Variants in LDLRAD3 observed in about 807,000 individuals in gnomAD.
LDLRAD3 encodes the protein low density lipoprotein receptor class A domain containing 3.
A neutral mutation model predicts 29.4 loss-of-function variants in LDLRAD3; 20 were observed. The ratio of observed to expected loss-of-function variants is 0.68; its 90% CI spans 0.48 to 0.99. The LOEUF is 0.99. Among genes scored for constraint, LDLRAD3 ranks in the 50% least tolerant of loss-of-function variants. The pLI, the probability that LDLRAD3 is intolerant of heterozygous loss-of-function variation, is 0.00. For missense variants in LDLRAD3, 420 were observed against 454.3 expected (o/e 0.92, Z 0.69); for synonymous variants, 157 against 192.7 (o/e 0.81, Z 1.53).
intron 1 of LDLRAD3, among the ~76,000 whole-genome samples, chr11:35,946,561 A>G (rs575607017): frequency 1.8e-4 from 28 of 152,290 alleles, no homozygotes; most frequent in African/African-American, 6.5e-4. Flanking sequence ...AGCCCAAGTC[A>G]TGTCATCTGA....
chr11:35,967,289 TCTC>T, intron 1 of LDLRAD3: 1 of 195,260 alleles, frequency 5.1e-6, no homozygotes, highest in Non-Finnish European at 1.1e-5. Flanking sequence ...AGAAGGTCTC[TCTC>T]CTGGATCAGG....
At chr11:36,205,943 G>T (rs761459803) in intron 4 of LDLRAD3, among the ~76,000 whole-genome samples, 1 of 152,184 alleles carries the variant, frequency 6.6e-6, no homozygotes, top group Admixed American at 6.5e-5. Flanking sequence ...CAGATTTTCC[G>T]TTGGTGTTAA....
chr11:36,106,791 C>T (rs1470166865), intron 4 of LDLRAD3, among the ~76,000 whole-genome samples: 1 of 152,254 alleles, frequency 6.6e-6, no homozygotes, highest in Non-Finnish European at 1.5e-5. Context: ...TGGATTTTTA[C>T]TTTCAGTTCT....
intron 1 of LDLRAD3, among the ~76,000 whole-genome samples, chr11:35,956,939 G>A (rs559871943): frequency 2.2e-4 from 34 of 152,248 alleles, no homozygotes; most frequent in East Asian, 1.4e-3. Flanking sequence ...GTTTCACCAC[G>A]TTAGCCAGGA....
At chr11:35,982,100 TA>T (rs1430041397) in intron 1 of LDLRAD3, among the ~76,000 whole-genome samples, 1 of 152,166 alleles carries the variant, frequency 6.6e-6, no homozygotes, top group Non-Finnish European at 1.5e-5. Context: ...TGTAACAAAG[TA>T]GCAAGACCGA....
intron 1 of LDLRAD3, among the ~76,000 whole-genome samples, chr11:35,964,988 C>CAAAA (rs368598047): frequency 1.3e-4 from 18 of 137,542 alleles, no homozygotes; most frequent in African/African-American, 4.8e-4. Context: ...AGACTGTCTC[C>CAAAA]AAAAAAAAAA....
At chr11:36,201,679 A>G (rs1855128627) in intron 4 of LDLRAD3, among the ~76,000 whole-genome samples, 2 of 152,218 alleles carry the variant, frequency 1.3e-5, no homozygotes, top group African/African-American at 4.8e-5. Flanking sequence ...ACAGCAAGCA[A>G]TTGTATTTAA....
intron 4 of LDLRAD3, among the ~76,000 whole-genome samples, chr11:36,165,055 A>G (rs970503303): frequency 6.6e-6 from 1 of 152,228 alleles, no homozygotes; most frequent in South Asian, 2.1e-4. Flanking sequence ...AATAATCACT[A>G]TTAGCAGTTG....
chr11:35,950,944 G>A (rs1477880706), intron 1 of LDLRAD3, among the ~76,000 whole-genome samples: 1 of 152,044 alleles, frequency 6.6e-6, no homozygotes, highest in African/African-American at 2.4e-5. Flanking sequence ...TTAGCCGGGA[G>A]TGGTGGCACG....
intron 4 of LDLRAD3, among the ~76,000 whole-genome samples, chr11:36,202,287 C>T (rs1855138491): frequency 6.6e-6 from 1 of 152,180 alleles, no homozygotes; most frequent in Admixed American, 6.5e-5. Context: ...ATCCACCCGC[C>T]TCAGCCTCCC....
intron 4 of LDLRAD3, among the ~76,000 whole-genome samples, chr11:36,140,008 A>T (rs964429348): frequency 1.3e-5 from 2 of 152,196 alleles, no homozygotes; most frequent in Non-Finnish European, 2.9e-5. Flanking sequence ...AAAATGACAT[A>T]TCTCTTATTG....
chr11:36,187,289 A>T (rs962371616), intron 4 of LDLRAD3, among the ~76,000 whole-genome samples: 4 of 152,204 alleles, frequency 2.6e-5, no homozygotes, highest in Non-Finnish European at 5.9e-5. Flanking sequence ...AGTTCCCCAG[A>T]AGTGACCAGC....
Position 36,064,310 on chromosome 11 carries a change from A to T in LDLRAD3, c.194-17343A>T, listed in dbSNP as rs184258073. On this transcript the variant is annotated intron_variant, in intron 2 of 5. Coordinates refer to ENST00000315571, the MANE Select transcript of LDLRAD3 (RefSeq NM_174902.4). ...TCGTTAGTTCTAATAGTTTTTTTTA[A>T]AAAATTTTTGAGACAGGATCTCACT... Among the ~76,000 whole-genome samples, 172 of 151,834 alleles carry T rather than the reference A, an allele frequency of 1.1e-3. 1 individual carries two copies. Among genetic ancestry groups the T allele is most frequent in the African/African-American group, 3.9e-3 (162 of 41,370 alleles).
At chr11:36,132,722 G>A (rs1358467834) in intron 4 of LDLRAD3, among the ~76,000 whole-genome samples, 1 of 152,210 alleles carries the variant, frequency 6.6e-6, no homozygotes, top group Non-Finnish European at 1.5e-5. Flanking sequence ...CCCGATAGGA[G>A]AGGACCTTAC....
chr11:36,203,769 A>C (rs965312162), intron 4 of LDLRAD3, among the ~76,000 whole-genome samples: 2 of 152,150 alleles, frequency 1.3e-5, no homozygotes, highest in African/African-American at 4.8e-5. Flanking sequence ...TGAGCTTCTC[A>C]TTTCCAAATG....
At chr11:36,085,607 TA>T (rs776088276) in intron 3 of LDLRAD3, among the ~76,000 whole-genome samples, 28 of 152,098 alleles carry the variant, frequency 1.8e-4, no homozygotes, top group Non-Finnish European at 3.7e-4. Context: ...TGTGAGTTTT[TA>T]TTTTTTTATA....
intron 4 of LDLRAD3, among the ~76,000 whole-genome samples, chr11:36,198,969 T>C (rs554665094): frequency 4.9e-4 from 74 of 152,302 alleles, no homozygotes; most frequent in African/African-American, 1.5e-3. Context: ...GGCGCGATCT[T>C]GGCTCACTGC....
chr11:35,985,775 C>T (rs1359284116), intron 1 of LDLRAD3, among the ~76,000 whole-genome samples: 1 of 152,028 alleles, frequency 6.6e-6, no homozygotes, highest in African/African-American at 2.4e-5. Context: ...TGTGCCTTTG[C>T]TCCTCCTTCA....
intron 1 of LDLRAD3, among the ~76,000 whole-genome samples, chr11:36,022,619 G>A (rs534339534): frequency 1.3e-5 from 2 of 152,260 alleles, no homozygotes; most frequent in South Asian, 4.1e-4. Context: ...CACAGGGTGG[G>A]TAAGTAATTC....
Sources: gnomAD v4.1 joint callset for allele counts (sites outside exome capture counted in the v4.1 genomes callset) on GRCh38, gnomAD v4.1.1 for gene constraint, MANE v1.5 for transcripts, NCBI Gene and HGNC (gene_info 2026-07-23, HGNC 2026-07-21) for gene names.